The following HECW2 variants were observed in gnomAD, a reference collection of about 807,000 sequenced individuals.
HECW2 encodes the protein HECT, C2 and WW domain containing E3 ubiquitin protein ligase 2.
In HECW2, 61 loss-of-function variants were observed where a neutral mutation model predicts 175.2. The observed-to-expected ratio is 0.35, with a 90% CI of 0.28 to 0.43. The LOEUF (loss-of-function observed/expected upper bound fraction) is 0.43, where lower values mean the gene tolerates loss of function less well. Ranked by LOEUF, HECW2 falls within the 20% of genes least tolerant of loss-of-function variation. The pLI, the probability that HECW2 is intolerant of heterozygous loss-of-function variation, is 1.00. For synonymous variants in HECW2, 671 were observed against 731.0 expected, an observed-to-expected ratio of 0.92 and a Z score of 1.32; for missense variants, 1,524 against 2,000.5, an observed-to-expected ratio of 0.76 and a Z score of 4.54.
chr2:196,469,120 CGT>C (rs33984882), intron 1 of HECW2, among the ~76,000 whole-genome samples: 2,941 of 144,754 alleles, frequency 0.02, 52 homozygotes, highest in African/African-American at 0.04. Flanking sequence ...TGTGTGTGTG[CGT>C]GTGTGTGTGT....
intron 19 of HECW2, 36 bp downstream of exon 19, chr2:196,253,884 C>T: frequency 6.3e-7 from 1 of 1,598,460 alleles, no homozygotes; most frequent in Non-Finnish European, 8.6e-7. Flanking sequence ...AGGTTCACTC[C>T]TCAGAGAATT....
chr2:196,310,398 C>T (rs1691448259), intron 10 of HECW2, among the ~76,000 whole-genome samples: 1 of 152,200 alleles, frequency 6.6e-6, no homozygotes, highest in Non-Finnish European at 1.5e-5. Flanking sequence ...TCAGGAAGGG[C>T]TGTTATGCTA....
intron 1 of HECW2, among the ~76,000 whole-genome samples, chr2:196,554,062 G>A (rs1188550182): frequency 6.6e-6 from 1 of 152,222 alleles, no homozygotes; most frequent in Non-Finnish European, 1.5e-5. Flanking sequence ...TTTTGGGCCG[G>A]GCGCGGTGGC....
chr2:196,374,035 A>AAAAAT (rs1245115753), intron 2 of HECW2, among the ~76,000 whole-genome samples: 1 of 140,162 alleles, frequency 7.1e-6, no homozygotes, highest in Admixed American at 6.7e-5. Context: ...CCGTCTCAAA[A>AAAAAT]AAAATAAAAT....
chr2:196,527,042 C>G (rs1387425828), intron 1 of HECW2, among the ~76,000 whole-genome samples: 1 of 152,216 alleles, frequency 6.6e-6, no homozygotes, highest in Non-Finnish European at 1.5e-5. Context: ...TTTACCTAAG[C>G]AAGCCTGGGC....
chr2:196,451,817 T>G (rs761749196), intron 1 of HECW2, among the ~76,000 whole-genome samples: 10 of 152,224 alleles, frequency 6.6e-5, no homozygotes, highest in Non-Finnish European at 1.2e-4. Flanking sequence ...GAGGATCCCT[T>G]GAACCCAGGA....
At chr2:196,277,765 G>T (rs1481126503) in intron 15 of HECW2, among the ~76,000 whole-genome samples, 1 of 151,970 alleles carries the variant, frequency 6.6e-6, no homozygotes, top group East Asian at 1.9e-4. Flanking sequence ...AGAAAACGTG[G>T]CACATATATA....
At chr2:196,415,474 G>C (rs536998243) in intron 2 of HECW2, among the ~76,000 whole-genome samples, 1 of 152,310 alleles carries the variant, frequency 6.6e-6, no homozygotes, top group East Asian at 1.9e-4. Context: ...ATTCAATAGG[G>C]GTATGCTGGG....
intron 2 of HECW2, among the ~76,000 whole-genome samples, chr2:196,350,550 G>A (rs1243943347): frequency 2.0e-5 from 3 of 152,190 alleles, no homozygotes; most frequent in African/African-American, 7.2e-5. Flanking sequence ...CAGGGAAGTT[G>A]AGCAATCACA....
At chr2:196,227,165 C>G (rs1687878703) in intron 22 of HECW2, among the ~76,000 whole-genome samples, 1 of 152,172 alleles carries the variant, frequency 6.6e-6, no homozygotes, top group Non-Finnish European at 1.5e-5. Context: ...CAAATTGCAG[C>G]TAAACAGAAG....
At chr2:196,277,598 C>T (rs923376795) in intron 15 of HECW2, among the ~76,000 whole-genome samples, 1 of 152,052 alleles carries the variant, frequency 6.6e-6, no homozygotes, top group Non-Finnish European at 1.5e-5. Flanking sequence ...ACTAGAAATA[C>T]CATTTGACCC....
At chr2:196,379,571 G>C (rs36149886) in intron 2 of HECW2, among the ~76,000 whole-genome samples, 8,739 of 151,706 alleles carry the variant, frequency 0.058, 375 homozygotes, top group African/African-American at 0.11. Context: ...TGTAGTCCCA[G>C]CTACTCAGGA....
Position 196,488,478 on chromosome 2 carries a change from G to C in HECW2, c.-35-55020C>G, listed in dbSNP as rs1487944281. 2.0e-5 allele frequency among the ~76,000 whole-genome samples: 3 copies of C among 152,220 alleles called. No individual in the cohort carries two copies. In the East Asian group the frequency reaches 5.8e-4, roughly 29 times the overall value. On this transcript the variant is annotated intron_variant, in intron 1 of 28. Transcript: ENST00000644978. ...AGCTCTATTCCCTTTATGGTAAGCAGGGAAAATCATTAAAGTAATGTTACA... is the reference window on the plus strand; with the variant it reads ...AGCTCTATTCCCTTTATGGTAAGCACGGAAAATCATTAAAGTAATGTTACA...
chr2:196,229,896 C>T (rs1478857635), intron 21 of HECW2, among the ~76,000 whole-genome samples: 2 of 152,068 alleles, frequency 1.3e-5, no homozygotes, highest in African/African-American at 4.8e-5. Flanking sequence ...TATTGTTTCC[C>T]AATGTACCTT....
intron 28 of HECW2, among the ~76,000 whole-genome samples, chr2:196,202,403 T>C (rs1200198997): frequency 6.6e-6 from 1 of 152,172 alleles, no homozygotes; most frequent in Non-Finnish European, 1.5e-5. Context: ...GTTGGACATA[T>C]TTGGGTTTGG....
chr2:196,259,861 GGTCA>G (rs576317053), intron 17 of HECW2, among the ~76,000 whole-genome samples: 280 of 152,190 alleles, frequency 1.8e-3, no homozygotes, highest in Non-Finnish European at 3.5e-3. Context: ...CTCTTATAAG[GGTCA>G]GTAACACCAT....
intron 7 of HECW2, among the ~76,000 whole-genome samples, chr2:196,320,664 T>C (rs1691908315): frequency 1.3e-5 from 2 of 152,184 alleles, no homozygotes; most frequent in South Asian, 4.1e-4. Context: ...ATAAGAAAAA[T>C]TATTATTACG....
chr2:196,485,495 T>A (rs1686971373), intron 1 of HECW2, among the ~76,000 whole-genome samples: 1 of 152,150 alleles, frequency 6.6e-6, no homozygotes, highest in Non-Finnish European at 1.5e-5. Flanking sequence ...TCCAAGATGG[T>A]GCCTTGTTGT....
intron 28 of HECW2, among the ~76,000 whole-genome samples, chr2:196,209,757 C>CTTTTGT (rs1365319286): frequency 7.0e-6 from 1 of 142,356 alleles, no homozygotes; most frequent in African/African-American, 2.7e-5. Context: ...GTTTTTCTTT[C>CTTTTGT]TTTCTTTCTT....
Sources: allele counts gnomAD v4.1 joint callset (sites outside exome capture counted in the v4.1 genomes callset), GRCh38; gene constraint gnomAD v4.1.1; transcripts MANE v1.5; gene names NCBI Gene and HGNC (gene_info 2026-07-23, HGNC 2026-07-21).